The following PI4KA variants were observed in gnomAD, a reference collection of about 807,000 sequenced individuals.
PI4KA encodes phosphatidylinositol 4-kinase alpha, also known as PI4-kinase alpha.
Under a neutral mutation model 271.4 loss-of-function variants are expected in PI4KA, and 122 were observed. The ratio of observed to expected loss-of-function variants is 0.45; its 90% CI spans 0.39 to 0.52. The LOEUF (loss-of-function observed/expected upper bound fraction) is 0.52, where lower values mean the gene tolerates loss of function less well. Among genes scored for constraint, PI4KA ranks in the 20% least tolerant of loss-of-function variants. The pLI is 0.00. For missense variants in PI4KA, 1,969 were observed against 2,769.1 expected (o/e 0.71, Z 6.48); for synonymous variants, 1,041 against 1,078.8 (o/e 0.96, Z 0.69).
chr22:20,822,438 T>A (rs920738879), intron 4 of PI4KA, among the ~76,000 whole-genome samples: 23 of 152,358 alleles, frequency 1.5e-4, no homozygotes, highest in African/African-American at 5.1e-4. Context: ...TGGTATTTTT[T>A]ATCTTTCATC....
At chr22:20,783,383 G>T (rs1933945718) in intron 19 of PI4KA, among the ~76,000 whole-genome samples, 1 of 151,464 alleles carries the variant, frequency 6.6e-6, no homozygotes, top group South Asian at 2.1e-4. Context: ...GATTGCTTGA[G>T]GCCAAGGGTT....
At chr22:20,853,900 C>A (rs970666423) in intron 1 of PI4KA, among the ~76,000 whole-genome samples, 1 of 150,838 alleles carries the variant, frequency 6.6e-6, no homozygotes, top group South Asian at 2.1e-4. Flanking sequence ...GATGGTGAGA[C>A]CCCCATCTCT....
chr22:20,719,038 G>C (rs1433144840), intron 43 of PI4KA, among the ~76,000 whole-genome samples: 1 of 152,216 alleles, frequency 6.6e-6, no homozygotes, highest in Non-Finnish European at 1.5e-5. Flanking sequence ...CTCAAGGCAG[G>C]GGCCAAGCGC....
At chr22:20,742,164 G>A in intron 32 of PI4KA, 64 bp downstream of exon 32, 1 of 1,554,802 alleles carries the variant, frequency 6.4e-7, no homozygotes, top group African/African-American at 1.4e-5. Flanking sequence ...GCGGCACCAG[G>A]GAAGGCTCTT....
chr22:20,753,228 A>C, intron 23 of PI4KA, 48 bp from the exon 24 acceptor site: 1 of 1,519,576 alleles, frequency 6.6e-7, no homozygotes, highest in Non-Finnish European at 9.1e-7. Flanking sequence ...CAGAGAGAGA[A>C]TCCTAGCAAC....
Position 20,718,735 on chromosome 22 carries a change from A to G in PI4KA, c.5204T>C (p.Phe1735Ser), listed in dbSNP as rs1227912244. The G allele has an allele frequency of 5.6e-6, 9 of 1,613,812 alleles. No homozygotes were observed. The highest frequency in any genetic ancestry group is 7.6e-6 in the Non-Finnish European group (9 of 1,179,930). The change falls in exon 44 of 55, where the codon TTT (phenylalanine) becomes TCT (serine). Residue 1735 changes from phenylalanine to serine, a missense_variant. Around this residue, in one of 13 missense-constraint regions of PI4KA, gnomAD observed 388 missense variants for 521.5 expected, o/e 0.74. Coordinates refer to ENST00000255882, the MANE Select transcript of PI4KA (RefSeq NM_058004.4). ...GPAKDFYQRE[F>S]DFFNKITNVS... ...GTTGGTGATCTTGTTAAAGAAATCAAACTCCCGCTGGTAAAAGTCCTTCGC... is the reference window on the plus strand; with the variant it reads ...GTTGGTGATCTTGTTAAAGAAATCAGACTCCCGCTGGTAAAAGTCCTTCGC...
intron 1 of PI4KA, among the ~76,000 whole-genome samples, chr22:20,847,766 CAAAA>C (rs1217378219): frequency 8.2e-6 from 1 of 122,328 alleles, no homozygotes; most frequent in Non-Finnish European, 1.7e-5. Flanking sequence ...AAAAAAAAAA[CAAAA>C]AAAACCAGTA....
intron 23 of PI4KA, among the ~76,000 whole-genome samples, chr22:20,756,058 C>G (rs1250125250): frequency 1.3e-5 from 2 of 152,098 alleles, no homozygotes; most frequent in African/African-American, 4.8e-5. Context: ...TCATAGCTAT[C>G]TGTTATAAGG....
chr22:20,761,662 A>C (rs1931983957), intron 22 of PI4KA, among the ~76,000 whole-genome samples: 1 of 152,170 alleles, frequency 6.6e-6, no homozygotes, highest in Non-Finnish European at 1.5e-5. Flanking sequence ...CAAAATGGAA[A>C]GACTCTGAAT....
intron 43 of PI4KA, among the ~76,000 whole-genome samples, chr22:20,719,784 T>C (rs1965997464): frequency 6.6e-6 from 1 of 152,044 alleles, no homozygotes; most frequent in South Asian, 2.1e-4. Flanking sequence ...CTCAGCACTT[T>C]GGGAGGCCGA....
rs534706410 is a variant in PI4KA, at chr22:20,826,202, G to A, written c.368-1788C>T. Among the ~76,000 whole-genome samples, 7 of 152,186 alleles carry A rather than the reference G, an allele frequency of 4.6e-5. No individual in the cohort carries two copies. In the East Asian group the frequency reaches 7.7e-4, roughly 17 times the overall value. On this transcript the variant is annotated intron_variant, in intron 3 of 54. Coordinates refer to ENST00000255882, the MANE Select transcript of PI4KA (RefSeq NM_058004.4). ...CACTATAAATATAAAAATTAGCCGGGTGTAGTGGCACATGCCTATAATCCC... is the reference window on the plus strand; with the variant it reads ...CACTATAAATATAAAAATTAGCCGGATGTAGTGGCACATGCCTATAATCCC...
chr22:20,791,555 G>C (rs528249841), intron 19 of PI4KA, among the ~76,000 whole-genome samples: 9 of 152,184 alleles, frequency 5.9e-5, no homozygotes, highest in African/African-American at 1.9e-4. Flanking sequence ...TCAGAAGTTC[G>C]AGACAAGCCT....
chr22:20,800,873 CAAA>C (rs376870559), intron 14 of PI4KA, among the ~76,000 whole-genome samples: 1 of 122,556 alleles, frequency 8.2e-6, no homozygotes, highest in African/African-American at 3.0e-5. Flanking sequence ...GACTCTGTCT[CAAA>C]AAAAAAAAAG....
chr22:20,718,890 T>G, intron 43 of PI4KA, 68 bp from the exon 44 acceptor site: 1 of 1,550,108 alleles, frequency 6.5e-7, no homozygotes, highest in South Asian at 1.1e-5. Context: ...ATACCAGCCC[T>G]GTTTCCCAGG....
intron 36 of PI4KA, among the ~76,000 whole-genome samples, chr22:20,732,640 T>G (rs964172865): frequency 1.3e-4 from 20 of 152,158 alleles, no homozygotes; most frequent in Non-Finnish European, 2.2e-4. Context: ...CATACCCCAG[T>G]CATGTGGGTG....
At chr22:20,809,843 C>T (rs974968263) in intron 9 of PI4KA, among the ~76,000 whole-genome samples, 27 of 152,194 alleles carry the variant, frequency 1.8e-4, no homozygotes, top group Admixed American at 1.6e-3. Context: ...GACCAAACCA[C>T]GGCCAGCACA....
In PI4KA at chr22:20,812,081, A is replaced by G. The variant is rs1028787806; in HGVS notation, c.1006-1049T>C. On this transcript the variant is annotated intron_variant, in intron 8 of 54. Coordinates refer to ENST00000255882, the MANE Select transcript of PI4KA (RefSeq NM_058004.4). ...TAAAAGTTAAAATATACTGCAAAAAATAATACCCCAAGAAAGGATGTGAAA... is the reference window on the plus strand; with the variant it reads ...TAAAAGTTAAAATATACTGCAAAAAGTAATACCCCAAGAAAGGATGTGAAA... 2.6e-4 allele frequency among the ~76,000 whole-genome samples: 40 copies of G among 152,096 alleles called. 1 individual carries two copies. Among genetic ancestry groups the G allele is most frequent in the Non-Finnish European group, 1.2e-4 (8 of 68,030 alleles).
chr22:20,734,823 C>A (rs976127818), intron 32 of PI4KA, among the ~76,000 whole-genome samples: 6 of 152,030 alleles, frequency 3.9e-5, no homozygotes. Context: ...TGGCAGCACC[C>A]GGGATGTACC....
Position 20,805,121 on chromosome 22 carries a change from C to G in PI4KA, c.1213G>C (p.Glu405Gln). The G allele has an allele frequency of 6.2e-7, 1 of 1,614,086 alleles. No individual in the cohort carries two copies. The highest frequency in any genetic ancestry group is 8.5e-7 in the Non-Finnish European group (1 of 1,179,958). ...FVKEIHDFVL[E>Q]QFNTSQGELQ... ...TCCCCCTGGCTCGTGTTGAACTGCT[C>G]CAGCACAAAATCATGGATCTCCTTC... The change falls in exon 11 of 55, where the codon GAG (glutamate) becomes CAG (glutamine). Residue 405 changes from glutamate to glutamine, a missense_variant. Coordinates refer to ENST00000255882, the MANE Select transcript of PI4KA (RefSeq NM_058004.4).
Sources: allele counts gnomAD v4.1 joint callset (sites outside exome capture counted in the v4.1 genomes callset), GRCh38; gene constraint gnomAD v4.1.1; regional missense constraint gnomAD v4.1.1; transcripts MANE v1.5; gene names NCBI Gene and HGNC (gene_info 2026-07-23, HGNC 2026-07-21).